The following SCRG1 variants were observed in gnomAD, a reference collection of about 807,000 sequenced individuals.
SCRG1 encodes stimulator of chondrogenesis 1, also known as scrapie-responsive protein 1.
Under a neutral mutation model 7.7 loss-of-function variants are expected in SCRG1, and 3 were observed. The ratio of observed to expected loss-of-function variants is 0.39; its 90% CI spans 0.18 to 1.01. The LOEUF is 1.01. SCRG1 is among the 50% of genes least tolerant of loss of function. The pLI is 0.36. For missense variants in SCRG1, 110 were observed against 117.2 expected (o/e 0.94, Z 0.28); for synonymous variants, 46 against 41.2 (o/e 1.12, Z -0.44).
chr4:173,516,218 C>A, the SCRG1 span, among the ~76,000 whole-genome samples: 1 of 152,178 alleles, frequency 6.6e-6, no homozygotes, highest in Non-Finnish European at 1.5e-5. Context: ...TTAATTAACT[C>A]CACAGCTCTG....
At chr4:173,499,760 G>A in the SCRG1 span, among the ~76,000 whole-genome samples, 1 of 152,154 alleles carries the variant, frequency 6.6e-6, no homozygotes. This position sits in a 1 kb window ranked among gnomAD's most constrained non-coding sequence, Gnocchi z 4.1. Context: ...AGACGCCCTA[G>A]GTAACCCGAG....
At chr4:173,507,865 C>G in the SCRG1 span, among the ~76,000 whole-genome samples, 1 of 152,246 alleles carries the variant, frequency 6.6e-6, no homozygotes, top group Non-Finnish European at 1.5e-5. This position sits in a 1 kb window ranked among gnomAD's most constrained non-coding sequence, Gnocchi z 4.4. Flanking sequence ...ATGTGAAATA[C>G]TGTGGGAAAA....
chr4:173,437,754 A>T, the SCRG1 span, among the ~76,000 whole-genome samples: 6 of 152,378 alleles, frequency 3.9e-5, no homozygotes, highest in East Asian at 1.2e-3. Context: ...TATATTAAAG[A>T]TAAACAATTT....
the SCRG1 span, among the ~76,000 whole-genome samples, chr4:173,515,532 T>C: frequency 6.6e-6 from 1 of 152,170 alleles, no homozygotes; most frequent in African/African-American, 2.4e-5. The surrounding 1 kb of genome is among the most constrained non-coding windows in gnomAD (Gnocchi z 4.6). Context: ...TATACTTTCA[T>C]TAGGTCATAA....
At chr4:173,464,661 C>T in the SCRG1 span, among the ~76,000 whole-genome samples, 2 of 152,272 alleles carry the variant, frequency 1.3e-5, no homozygotes, top group East Asian at 3.9e-4. Context: ...AGTGGCACAG[C>T]TGCTGTGAAA....
At chr4:173,415,150 A>G in the SCRG1 span, among the ~76,000 whole-genome samples, 1 of 152,238 alleles carries the variant, frequency 6.6e-6, no homozygotes, top group African/African-American at 2.4e-5. Flanking sequence ...TAGTGTGAAT[A>G]GTCTCTCAAA....
At chr4:173,516,504 G>A in the SCRG1 span, among the ~76,000 whole-genome samples, 2 of 152,316 alleles carry the variant, frequency 1.3e-5, no homozygotes, top group South Asian at 4.1e-4. Flanking sequence ...AAGGCAAGCA[G>A]GTCGCTCTCG....
the SCRG1 span, among the ~76,000 whole-genome samples, chr4:173,450,032 A>C: frequency 6.6e-6 from 1 of 152,212 alleles, no homozygotes. Context: ...GACATACCTA[A>C]AACTGGGTGA....
chr4:173,394,189 G>A (rs2126916757), intron 1 of SCRG1, among the ~76,000 whole-genome samples: 1 of 151,746 alleles, frequency 6.6e-6, no homozygotes, highest in Non-Finnish European at 1.5e-5. Flanking sequence ...TTAGTTCTTT[G>A]GTGCTTTTCC....
the SCRG1 span, among the ~76,000 whole-genome samples, chr4:173,437,014 C>T: frequency 6.6e-6 from 1 of 152,188 alleles, no homozygotes; most frequent in African/African-American, 2.4e-5. Context: ...CCAAAATAAC[C>T]AGAAACATTC....
At chr4:173,486,369 A>G in the SCRG1 span, among the ~76,000 whole-genome samples, 4 of 152,110 alleles carry the variant, frequency 2.6e-5, no homozygotes, top group African/African-American at 9.7e-5. Flanking sequence ...TCCATTTTGC[A>G]TCCTTCACCA....
upstream of SCRG1, among the ~76,000 whole-genome samples, chr4:173,401,197 C>T (rs4696067): frequency 0.96 from 146,830 of 152,244 alleles, 71,025 homozygotes; most frequent in East Asian, 1. Flanking sequence ...TGGCATGGAC[C>T]TCAGGAAGGG....
chr4:173,484,143 A>G, the SCRG1 span, among the ~76,000 whole-genome samples: 1 of 39,532 alleles, frequency 2.5e-5, no homozygotes, highest in African/African-American at 7.9e-5. Flanking sequence ...TATAATATAG[A>G]ATATAGAATA....
chr4:173,418,546 A>G, the SCRG1 span, among the ~76,000 whole-genome samples: 8 of 152,250 alleles, frequency 5.3e-5, no homozygotes, highest in South Asian at 2.1e-4. Flanking sequence ...CTGCACCAAA[A>G]GCTGACCAGT....
At chr4:173,487,143 T>A in the SCRG1 span, among the ~76,000 whole-genome samples, 1 of 152,316 alleles carries the variant, frequency 6.6e-6, no homozygotes, top group South Asian at 2.1e-4. Context: ...ATTCTGGGAC[T>A]ATTCTAATGT....
At chr4:173,503,396 A>C in the SCRG1 span, among the ~76,000 whole-genome samples, 1 of 152,186 alleles carries the variant, frequency 6.6e-6, no homozygotes, top group Non-Finnish European at 1.5e-5. This position sits in a 1 kb window ranked among gnomAD's most constrained non-coding sequence, Gnocchi z 6.4. Context: ...CACCAAAGTC[A>C]GAGATTGCAG....
At chr4:173,519,105 C>T in the SCRG1 span, among the ~76,000 whole-genome samples, 16 of 149,882 alleles carry the variant, frequency 1.1e-4, no homozygotes, top group Non-Finnish European at 2.2e-4. Context: ...GTCGAAGATG[C>T]TCAGAGGAGG....
the SCRG1 span, among the ~76,000 whole-genome samples, chr4:173,444,841 G>A: frequency 1.3e-5 from 2 of 152,296 alleles, no homozygotes; most frequent in Admixed American, 6.5e-5. Flanking sequence ...AGAAGAGAGA[G>A]ACCCTGACCT....
At chr4:173,427,799 A>G in the SCRG1 span, among the ~76,000 whole-genome samples, 1 of 152,208 alleles carries the variant, frequency 6.6e-6, no homozygotes, top group Non-Finnish European at 1.5e-5. Context: ...CTGGGGACAC[A>G]ATTCAACTTA....
Sources: gnomAD v4.1 joint callset for allele counts (sites outside exome capture counted in the v4.1 genomes callset) on GRCh38, gnomAD v4.1.1 for gene constraint, Gnocchi (gnomAD v3.1) non-coding constraint, MANE v1.5 for transcripts, NCBI Gene and HGNC (gene_info 2026-07-23, HGNC 2026-07-21) for gene names.